Variants in COL7A1 observed in about 807,000 individuals in gnomAD.
The protein encoded by COL7A1 is collagen alpha-1(VII) chain.
A neutral mutation model predicts 456.2 loss-of-function variants in COL7A1; 296 were observed. That is an observed-to-expected ratio of 0.65 (90% CI 0.59 to 0.71). COL7A1 has a LOEUF of 0.71. COL7A1 is among the 30% of genes least tolerant of loss of function. COL7A1 has a pLI of 0.00. For synonymous variants in COL7A1, 1,464 were observed against 1,525.9 expected (o/e 0.96, Z 0.95); for missense variants, 3,441 against 4,017.2 (o/e 0.86, Z 3.88).
At position 48,592,217 on chromosome 3, in the gene COL7A1, A is replaced by G. The variant is rs750411372; in HGVS notation, c.1125T>C (p.Pro375=). The change falls in exon 10 of 119, where the codon CCT becomes CCC. Residue 375 remains proline (P), a synonymous_variant. Transcript: ENST00000681320. This position sits in a 1 kb window ranked among gnomAD's most constrained non-coding sequence, Gnocchi z 7.6. ...CACGCAGCAACACTGAACCCTGCCCAGGGCCCAGCTCCTGCTGCTGTGTGG... is the reference window on the plus strand; with the variant it reads ...CACGCAGCAACACTGAACCCTGCCCGGGGCCCAGCTCCTGCTGCTGTGTGG... The part of the protein sequence containing the change: ...GGPTQQQELG[P]GQGSVLLRDL... 1 of 1,614,072 alleles carries G rather than the reference A, an allele frequency of 6.2e-7. No individual in the cohort carries two copies. The highest frequency in any genetic ancestry group is 8.5e-7 in the Non-Finnish European group (1 of 1,180,026).
chr3:48,579,353 C>A lies in COL7A1; in HGVS notation c.5307+16G>T. 6.2e-7 allele frequency: 1 copy of A among 1,614,150 alleles called. No homozygotes were observed. Among genetic ancestry groups the A allele is most frequent in the Non-Finnish European group, 8.5e-7 (1 of 1,180,016 alleles). The stretch of plus-strand genomic sequence containing the variant: ...AACCCAGGCTCATGTCCTGAGAAAC[C>A]CCCACACCCTCTCACCTTTTCTCCT... On this transcript the variant is annotated intron_variant, in intron 61 of 118. Transcript: ENST00000681320. The surrounding 1 kb of genome is among the most constrained non-coding windows in gnomAD (Gnocchi z 4.4).
Position 48,567,922 on chromosome 3 carries a change from T to C in COL7A1, c.7876-31A>G. 1 of 1,613,776 alleles carries C rather than the reference T, an allele frequency of 6.2e-7. No individual in the cohort carries two copies. Among genetic ancestry groups the C allele is most frequent in the Non-Finnish European group, 8.5e-7 (1 of 1,179,716 alleles). ...GGAGAAAAGCAGATGAAGAAGTGATTCCCAGACACCTCACTCTGTGACCCC... is the reference window on the plus strand; with the variant it reads ...GGAGAAAAGCAGATGAAGAAGTGATCCCCAGACACCTCACTCTGTGACCCC... On this transcript the variant is annotated intron_variant, in intron 106 of 118. Coordinates refer to ENST00000681320, the MANE Select transcript of COL7A1 (RefSeq NM_000094.4). The surrounding 1 kb of genome is among the most constrained non-coding windows in gnomAD (Gnocchi z 4.3).
At position 48,574,867 on chromosome 3, in the gene COL7A1, T is replaced by TACAA. The variant is rs766367031; in HGVS notation, c.6280-6_6280-3dup. ...AGGACCTGGCTCATCCACAGACACCTACAAACACAAGGTCACAGGGGAGAG... is the reference window on the plus strand; with the variant it reads ...AGGACCTGGCTCATCCACAGACACCTACAAACAAACACAAGGTCACAGGGGAGAG... On this transcript the variant is annotated splice_polypyrimidine_tract_variant and splice_region_variant and intron_variant, in intron 76 of 118. Transcript: ENST00000681320. This position sits in a 1 kb window ranked among gnomAD's most constrained non-coding sequence, Gnocchi z 5.0. 1 of 1,613,614 alleles carries TACAA rather than the reference T, an allele frequency of 6.2e-7. No homozygotes were observed. Among genetic ancestry groups the TACAA allele is most frequent in the Non-Finnish European group, 8.5e-7 (1 of 1,179,908 alleles).
chr3:48,570,441 G>A lies in COL7A1; in HGVS notation c.7380+24C>T. On this transcript the variant is annotated intron_variant, in intron 97 of 118. Transcript: ENST00000681320. This position sits in a 1 kb window ranked among gnomAD's most constrained non-coding sequence, Gnocchi z 5.5. ...GGGGGTGACCAGGGCACAAGAGAGA[G>A]TCAGCAGCACTTGTCCCACCTACCT... is the stretch of plus-strand genomic sequence containing the variant. The A allele has an allele frequency of 6.2e-7, 1 of 1,614,080 alleles. No individual in the cohort carries two copies. The highest frequency in any genetic ancestry group is 1.7e-5 in the Admixed American group (1 of 60,026).
At position 48,583,614 on chromosome 3, in the gene COL7A1, C is replaced by A. The variant is rs1202682853; in HGVS notation, c.4343G>T (p.Gly1448Val). 1 of 1,613,948 alleles carries A rather than the reference C, an allele frequency of 6.2e-7. No individual in the cohort carries two copies. Among genetic ancestry groups the A allele is most frequent in the African/African-American group, 1.3e-5 (1 of 74,912 alleles). ...VGPPGKKGEK[G>V]DSEDGAPGLP... is the part of the protein sequence containing the mutation. ...GCCTGGAGCTCCATCCTCAGAGTCA[C>A]CCTGAAGGAGAAACACACGGGTGGG... is the stretch of plus-strand genomic sequence containing the variant. Residue 1448 changes from glycine (G) to valine (V), a missense_variant and splice_region_variant, in exon 41 of 119, where the codon GGT (glycine) becomes GTT (valine). Transcript: ENST00000681320. This position sits in a 1 kb window ranked among gnomAD's most constrained non-coding sequence, Gnocchi z 5.1.
rs1243962812 is a variant in COL7A1, at chr3:48,576,974, C to A, written c.5568+18G>T. Reference sequence around the variant, plus strand: ...GCTCCAAGCAGAGACCAGAGAGACCCCAGGTGGGGGACTTTACCTTCCTCC... The same window carrying A: ...GCTCCAAGCAGAGACCAGAGAGACCACAGGTGGGGGACTTTACCTTCCTCC... On this transcript the variant is annotated intron_variant, in intron 66 of 118. Transcript: ENST00000681320. 6.2e-7 allele frequency: 1 copy of A among 1,613,970 alleles called. No individual in the cohort carries two copies.
chr3:48,591,478 A>G lies in COL7A1; in HGVS notation c.1622T>C (p.Val541Ala). The G allele has an allele frequency of 6.2e-7, 1 of 1,613,900 alleles. No homozygotes were observed. The highest frequency in any genetic ancestry group is 1.1e-5 in the South Asian group (1 of 91,076). The change falls in exon 13 of 119, where the codon GTG becomes GCG. Residue 541 changes from valine (V) to alanine (A), a missense_variant. Val to Ala is a moderately conservative substitution (Grantham distance 64, BLOSUM62 0). This residue lies in a region of COL7A1 where 913 missense variants were observed against 1,088.2 expected (regional missense o/e 0.84). Transcript: ENST00000681320. This position sits in a 1 kb window ranked among gnomAD's most constrained non-coding sequence, Gnocchi z 7.0. ...VPGATQYRII[V>A]RSTQGVERTL... Reference sequence around the variant, plus strand: ...GTCCACCTCACCCTGGGTGCTGCGCACAATGATGCGGTACTGGGTGGCACC... The same window carrying G: ...GTCCACCTCACCCTGGGTGCTGCGCGCAATGATGCGGTACTGGGTGGCACC...
rs965327916 is a variant in COL7A1 at position 48,565,558 on chromosome 3, C to T, written c.8441-62G>A. 6.2e-7 allele frequency: 1 copy of T among 1,613,830 alleles called. No individual in the cohort carries two copies. Among genetic ancestry groups the T allele is most frequent in the Non-Finnish European group, 8.5e-7 (1 of 1,179,758 alleles). ...CACCATGGGCAGCCATCCCAGCCAA[C>T]CCCCCTGAGAGGACCCCAGTTGATA... On this transcript the variant is annotated intron_variant, in intron 115 of 118. Coordinates refer to ENST00000681320, the MANE Select transcript of COL7A1 (RefSeq NM_000094.4). This position sits in a 1 kb window ranked among gnomAD's most constrained non-coding sequence, Gnocchi z 4.5.
rs557077483 is a variant in COL7A1, at chr3:48,567,610, C to A, written c.8010G>T (p.Ser2670=). 9.0e-5 allele frequency: 145 copies of A among 1,614,152 alleles called. 2 individuals are homozygous for A. In the South Asian group the frequency reaches 1.5e-3, roughly 17 times the overall value. ...EMGEPGVPGQ[S]GAPGKEGLIG... ...TCAGGCCCTCCTTGCCAGGGGCCCC[C>A]GACTGGCCCGGCACACCAGGCTCCC... The change falls in exon 109 of 119, where the codon TCG becomes TCT. Residue 2670 remains serine (S), a synonymous_variant. Transcript: ENST00000681320. This position sits in a 1 kb window ranked among gnomAD's most constrained non-coding sequence, Gnocchi z 4.3.
rs959199271 is a variant in COL7A1 at position 48,580,123 on chromosome 3, C to T, written c.5098-66G>A. The T allele has an allele frequency of 1.3e-6, 2 of 1,596,730 alleles. No homozygotes were observed. The highest frequency in any genetic ancestry group is 3.4e-5 in the Admixed American group (2 of 59,032). ...TCCCAGGCCATGGCTCTGGTTTGCC[C>T]CAGGCTCAACTCTGCCCCCAAGTTC... On this transcript the variant is annotated intron_variant, in intron 56 of 118. Transcript: ENST00000681320. The surrounding 1 kb of genome is among the most constrained non-coding windows in gnomAD (Gnocchi z 4.5).
chr3:48,567,427 C>A lies in COL7A1; in HGVS notation c.8046+147G>T. 3.3e-6 allele frequency: 4 copies of A among 1,211,660 alleles called. No homozygotes were observed. The highest frequency in any genetic ancestry group is 4.8e-6 in the Non-Finnish European group (4 of 831,676). 75.1% of individuals were successfully genotyped at this position (1,211,660 alleles called of 1,614,324 possible). On this transcript the variant is annotated intron_variant, in intron 109 of 118. Coordinates refer to ENST00000681320, the MANE Select transcript of COL7A1 (RefSeq NM_000094.4). This position sits in a 1 kb window ranked among gnomAD's most constrained non-coding sequence, Gnocchi z 4.3. ...TAACTCCACTGTGACCCCAACCCAC[C>A]TTGACACCTCGAGACCAGCCCCACT...
At position 48,564,428 on chromosome 3, in the gene COL7A1, G is replaced by A. The variant is rs201658800; in HGVS notation, c.8819-6C>T. 1.9e-6 allele frequency: 3 copies of A among 1,614,056 alleles called. No homozygotes were observed. Among genetic ancestry groups the A allele is most frequent in the Admixed American group, 3.3e-5 (2 of 60,014 alleles). On this transcript the variant is annotated splice_polypyrimidine_tract_variant and splice_region_variant and intron_variant, in intron 118 of 118. Transcript: ENST00000681320. This position sits in a 1 kb window ranked among gnomAD's most constrained non-coding sequence, Gnocchi z 6.0. ...GCCTCAGTCCTGGGCAGTACCTGGTGAGGACAGGTTGGAAACGGTCGTCAG... is the reference window on the plus strand; with the variant it reads ...GCCTCAGTCCTGGGCAGTACCTGGTAAGGACAGGTTGGAAACGGTCGTCAG...
At position 48,582,337 on chromosome 3, in the gene COL7A1, C is replaced by T; in HGVS notation, c.4621G>A (p.Asp1541Asn). 1.9e-6 allele frequency: 3 copies of T among 1,613,976 alleles called. No homozygotes were observed. The South Asian group carries it at 3.3e-5, about 18-fold the overall frequency. The change falls in exon 47 of 119, where the codon GAC (aspartate) becomes AAC (asparagine). Residue 1541 changes from aspartate to asparagine, a missense_variant. Coordinates refer to ENST00000681320, the MANE Select transcript of COL7A1 (RefSeq NM_000094.4). ...CCGTCACTCACCACCACTGCAGGGTCCCCAGGGCGACCAGGCTCCCCCTGT... is the reference window on the plus strand; with the variant it reads ...CCGTCACTCACCACCACTGCAGGGTTCCCAGGGCGACCAGGCTCCCCCTGT... ...GEKGEPGRPG[D>N]PAVVGPAVAG...
In COL7A1 at chr3:48,566,566, A is replaced by T; in HGVS notation, c.8305-3T>A. ...GGACCGGCAGGCCCTGGCCGCCCCT[A>T]TGTGCAACAGATGGGACCAGGCTGT... On this transcript the variant is annotated splice_polypyrimidine_tract_variant and splice_region_variant and intron_variant, in intron 112 of 118. Coordinates refer to ENST00000681320, the MANE Select transcript of COL7A1 (RefSeq NM_000094.4). This position sits in a 1 kb window ranked among gnomAD's most constrained non-coding sequence, Gnocchi z 5.9. The T allele has an allele frequency of 6.2e-7, 1 of 1,613,988 alleles. No homozygotes were observed. Among genetic ancestry groups the T allele is most frequent in the Non-Finnish European group, 8.5e-7 (1 of 1,179,968 alleles).
Position 48,588,827 on chromosome 3 carries a change from A to G in COL7A1, c.2441-39T>C. 5 of 1,613,538 alleles carry G rather than the reference A, an allele frequency of 3.1e-6. No individual in the cohort carries two copies. Among genetic ancestry groups the G allele is most frequent in the Non-Finnish European group, 4.2e-6 (5 of 1,180,032 alleles). The stretch of plus-strand genomic sequence containing the variant: ...CATACAGCAATGGTTAGGGGTGAGC[A>G]GTCCCAGCCAGGAAGGACAGGGGTG... On this transcript the variant is annotated intron_variant, in intron 19 of 118. Coordinates refer to ENST00000681320, the MANE Select transcript of COL7A1 (RefSeq NM_000094.4). This position sits in a 1 kb window ranked among gnomAD's most constrained non-coding sequence, Gnocchi z 4.6.
At position 48,566,463 on chromosome 3, in the gene COL7A1, C is replaced by A; in HGVS notation, c.8358+47G>T. 1 of 1,608,940 alleles carries A rather than the reference C, an allele frequency of 6.2e-7. No individual in the cohort carries two copies. Among genetic ancestry groups the A allele is most frequent in the Non-Finnish European group, 8.5e-7 (1 of 1,176,872 alleles). ...GTGAGGGAGGTAGGGCCCCAGCCCA[C>A]CCAGGCCCACCCAGGCCCTCCCAGG... On this transcript the variant is annotated intron_variant, in intron 113 of 118. Coordinates refer to ENST00000681320, the MANE Select transcript of COL7A1 (RefSeq NM_000094.4). The surrounding 1 kb of genome is among the most constrained non-coding windows in gnomAD (Gnocchi z 5.9).
chr3:48,576,852 G>A (rs775842043), intron 67 of COL7A1, 32 bp downstream of exon 67: 2 of 1,613,914 alleles, frequency 1.2e-6, no homozygotes, highest in Non-Finnish European at 1.7e-6. Context: ...CAGGGTCAGG[G>A]GTCAGAGGTT....
In COL7A1 at chr3:48,571,221, G is replaced by A; in HGVS notation, c.7104+22C>T. 1.2e-6 allele frequency: 2 copies of A among 1,614,104 alleles called. No homozygotes were observed. The highest frequency in any genetic ancestry group is 1.7e-6 in the Non-Finnish European group (2 of 1,180,020). On this transcript the variant is annotated intron_variant, in intron 93 of 118. Transcript: ENST00000681320. The surrounding 1 kb of genome is among the most constrained non-coding windows in gnomAD (Gnocchi z 4.6). ...AGTCTCACGACCAGGACCCCAGCAG[G>A]GACCCTTCTGGGTACACATACCTTG...
rs1410907633 is a variant in COL7A1 at position 48,585,113 on chromosome 3, A to G, written c.3898T>C (p.Phe1300Leu). 4 of 1,611,222 alleles carry G rather than the reference A, an allele frequency of 2.5e-6. No individual in the cohort carries two copies. Among genetic ancestry groups the G allele is most frequent in the Middle Eastern group, 2.0e-4 (1 of 5,128 alleles). ...CCTGGACGCCCATCTGCTCCAGGGAAGCCCTGAGGAGGTGAAGAGGTCAGG... is the reference window on the plus strand; with the variant it reads ...CCTGGACGCCCATCTGCTCCAGGGAGGCCCTGAGGAGGTGAAGAGGTCAGG... ...GSATAKGERG[F>L]PGADGRPGSP... The change falls in exon 33 of 119, where the codon TTC becomes CTC. Residue 1300 changes from phenylalanine (F) to leucine (L), a missense_variant. This residue lies in a region of COL7A1 where 2,084 missense variants were observed against 2,501.3 expected (regional missense o/e 0.83). Transcript: ENST00000681320. This position sits in a 1 kb window ranked among gnomAD's most constrained non-coding sequence, Gnocchi z 4.5.
Sources: allele counts gnomAD v4.1 joint callset, GRCh38; gene constraint gnomAD v4.1.1; regional missense constraint gnomAD v4.1.1; non-coding constraint Gnocchi (gnomAD v3.1); transcripts MANE v1.5; gene names NCBI Gene and HGNC (gene_info 2026-07-23, HGNC 2026-07-21).